MRPL35: variants seen among roughly 807,000 people sequenced by gnomAD.
MRPL35 encodes large ribosomal subunit protein bL35m.
In MRPL35, 18 loss-of-function variants were observed where a neutral mutation model predicts 21.6. That is an observed-to-expected ratio of 0.83 (90% CI 0.58 to 1.24). The LOEUF (loss-of-function observed/expected upper bound fraction) is 1.24, where lower values mean the gene tolerates loss of function less well. Ranked by LOEUF, MRPL35 falls within the 50% of genes most tolerant of loss-of-function variation. MRPL35 has a pLI of 0.00. For missense variants in MRPL35, 223 were observed against 223.2 expected (o/e 1.00, Z 0.01); for synonymous variants, 87 against 86.9 (o/e 1.00, Z -0.01).
At chr2:86,204,264 A>G (rs796453255) in intron 1 of MRPL35, among the ~76,000 whole-genome samples, 3 of 152,194 alleles carry the variant, frequency 2.0e-5, no homozygotes, top group African/African-American at 4.8e-5. Flanking sequence ...GATTACAGGC[A>G]TGAGCCACCA....
At chr2:86,200,230 T>C (rs1452039647) in intron 1 of MRPL35, among the ~76,000 whole-genome samples, 1 of 152,118 alleles carries the variant, frequency 6.6e-6, no homozygotes, top group Non-Finnish European at 1.5e-5. Context: ...ATATACGAGA[T>C]CAGTCAAGAA....
intron 3 of MRPL35, among the ~76,000 whole-genome samples, chr2:86,209,849 A>G (rs1020724737): frequency 1.3e-5 from 2 of 152,152 alleles, no homozygotes; most frequent in Admixed American, 6.5e-5. Flanking sequence ...TCTCTACAAA[A>G]ATTTAAAAAG....
In MRPL35 at chr2:86,213,335, A is replaced by G. The variant is rs1673950259; in HGVS notation, c.*2667A>G. ...TGTTGACATTGGACCAGGCTCAGTA[A>G]ATAAACGAATGGATTTCCAGCCTTT... On this transcript the variant is annotated 3_prime_UTR_variant, in exon 4 of 4. Coordinates refer to ENST00000337109, the MANE Select transcript of MRPL35 (RefSeq NM_016622.4). 1 of 1,226,380 alleles carries G rather than the reference A, an allele frequency of 8.2e-7. No homozygotes were observed. Among genetic ancestry groups the G allele is most frequent in the Admixed American group, 4.1e-5 (1 of 24,354 alleles). The allele number at this position is 1,226,380 out of a possible 1,614,324, so 76.0% of individuals were successfully genotyped here. A position where few individuals can be genotyped will look rare whatever the true frequency, so the allele number is the denominator to read the frequency against.
Position 86,212,645 on chromosome 2 carries a change from G to A in MRPL35, c.*1977G>A, listed in dbSNP as rs567784819. The A allele has an allele frequency of 2.2e-6, 3 of 1,359,838 alleles. No homozygotes were observed. The South Asian group carries it at 5.6e-5, about 25-fold the overall frequency. 84.2% of individuals were successfully genotyped at this position (1,359,838 alleles called of 1,614,324 possible). A position where few individuals can be genotyped will look rare whatever the true frequency, so the allele number is the denominator to read the frequency against. On this transcript the variant is annotated 3_prime_UTR_variant, in exon 4 of 4. Transcript: ENST00000337109. Reference sequence around the variant, plus strand: ...CACCTTCGTTTCTCCTCTAGACCAGGGACAGGTGTAGAGATAAGGACTGGC... The same window carrying A: ...CACCTTCGTTTCTCCTCTAGACCAGAGACAGGTGTAGAGATAAGGACTGGC...
At chr2:86,199,560 CA>C in intron 1 of MRPL35, 27 bp downstream of exon 1, 1 of 1,613,716 alleles carries the variant, frequency 6.2e-7, no homozygotes, top group Non-Finnish European at 8.5e-7. Flanking sequence ...ATACTCCATG[CA>C]TGCCTTCACA....
chr2:86,212,186 G>A lies in MRPL35; in HGVS notation c.*1518G>A. 3.1e-6 allele frequency: 4 copies of A among 1,288,776 alleles called. No homozygotes were observed. The highest frequency in any genetic ancestry group is 2.9e-6 in the Non-Finnish European group (3 of 1,017,858). The allele number at this position is 1,288,776 out of a possible 1,614,324, so 79.8% of individuals were successfully genotyped here. A position where few individuals can be genotyped will look rare whatever the true frequency, so the allele number is the denominator to read the frequency against. On this transcript the variant is annotated 3_prime_UTR_variant, in exon 4 of 4. Coordinates refer to ENST00000337109, the MANE Select transcript of MRPL35 (RefSeq NM_016622.4). ...ATTCCTCTGTTGTTAGTAAAATTAT[G>A]AAATTGAAGTTCTGCAGCATGTCAG...
chr2:86,207,568 A>C (rs1673827823), intron 3 of MRPL35, among the ~76,000 whole-genome samples: 3 of 152,180 alleles, frequency 2.0e-5, no homozygotes, highest in Admixed American at 2.0e-4. Flanking sequence ...CGGGAGGTGG[A>C]GGTTGTAGTG....
At chr2:86,203,944 GT>G (rs1244150239) in intron 1 of MRPL35, among the ~76,000 whole-genome samples, 6 of 151,396 alleles carry the variant, frequency 4.0e-5, no homozygotes, top group African/African-American at 1.5e-4. Context: ...TAGGAGAGTA[GT>G]TCTAAGTCCC....
At chr2:86,210,430 TTGTTTCATACATAGTA>T in intron 3 of MRPL35, 34 bp from the exon 4 acceptor site, 2 of 1,460,746 alleles carry the variant, frequency 1.4e-6, no homozygotes, top group South Asian at 2.7e-5. Flanking sequence ...AAGATACCTG[TTGTTTCATACATAGTA>T]TGATGTTTTA....
At chr2:86,209,069 T>C (rs1226601485) in intron 3 of MRPL35, among the ~76,000 whole-genome samples, 2 of 152,118 alleles carry the variant, frequency 1.3e-5, no homozygotes, top group African/African-American at 4.8e-5. Flanking sequence ...ATTAGGTGTT[T>C]GTACGTCAGA....
At position 86,207,380 on chromosome 2, in the gene MRPL35, G is replaced by A. The variant is rs184252008; in HGVS notation, c.378+53G>A. 1.2e-4 allele frequency: 189 copies of A among 1,576,218 alleles called. 2 individuals carry two copies. In the African/African-American group the frequency reaches 2.3e-3, roughly 19 times the overall value. ...AAAAAGGAATGTGAGGCCGGGCGTG[G>A]TGGCTCACGCCTATAATCCCAGCAC... On this transcript the variant is annotated intron_variant, in intron 3 of 3. Transcript: ENST00000337109.
In MRPL35 at chr2:86,212,540, A is replaced by G; in HGVS notation, c.*1872A>G. 1 of 1,592,936 alleles carries G rather than the reference A, an allele frequency of 6.3e-7. No homozygotes were observed. The highest frequency in any genetic ancestry group is 1.1e-5 in the South Asian group (1 of 87,996). ...AATGGTGCCTGCAGAAGTTGGGGAG[A>G]AGGATACTTTTGCACAGCCTCCATG... On this transcript the variant is annotated 3_prime_UTR_variant, in exon 4 of 4. Coordinates refer to ENST00000337109, the MANE Select transcript of MRPL35 (RefSeq NM_016622.4).
At chr2:86,206,008 A>AAAC (rs1471623820) in intron 1 of MRPL35, 98 bp from the exon 2 acceptor site, 2 of 1,073,456 alleles carry the variant, frequency 1.9e-6, no homozygotes. Flanking sequence ...GGGCACGTTA[A>AAAC]TTATGTTTAA....
At chr2:86,205,361 T>TC (rs140690912) in intron 1 of MRPL35, among the ~76,000 whole-genome samples, 2 of 152,312 alleles carry the variant, frequency 1.3e-5, no homozygotes, top group East Asian at 3.9e-4. Context: ...AAGTGGATCA[T>TC]CATAAAGGTC....
chr2:86,210,773 T>G lies in MRPL35; in HGVS notation c.*105T>G. The G allele has an allele frequency of 7.0e-7, 1 of 1,435,062 alleles. No homozygotes were observed. The highest frequency in any genetic ancestry group is 9.2e-7 in the Non-Finnish European group (1 of 1,088,786). 88.9% of individuals were successfully genotyped at this position (1,435,062 alleles called of 1,614,324 possible). Reference sequence around the variant, plus strand: ...ACTTGATGTAAATTGTACCAATGAATACGTAAACATACAGTGACAACATTA... The same window carrying G: ...ACTTGATGTAAATTGTACCAATGAAGACGTAAACATACAGTGACAACATTA... On this transcript the variant is annotated 3_prime_UTR_variant, in exon 4 of 4. Transcript: ENST00000337109.
Position 86,212,033 on chromosome 2 carries a change from C to T in MRPL35, c.*1365C>T. On this transcript the variant is annotated 3_prime_UTR_variant, in exon 4 of 4. Coordinates refer to ENST00000337109, the MANE Select transcript of MRPL35 (RefSeq NM_016622.4). ...CAGTCTAGGGCAGTGGTTCCCAACT[C>T]TCCGATCAGAATCATCTGGGAAGCA... The T allele has an allele frequency of 9.7e-7, 1 of 1,035,022 alleles. No individual in the cohort carries two copies. Among genetic ancestry groups the T allele is most frequent in the Non-Finnish European group, 1.2e-6 (1 of 861,110 alleles). 64.1% of individuals were successfully genotyped at this position (1,035,022 alleles called of 1,614,324 possible).
Position 86,213,430 on chromosome 2 carries a change from T to C in MRPL35, c.*2762T>C, listed in dbSNP as rs1673953104. ...TTCTTACTGCTGCTTTATTTTACAG[T>C]GATTTTGTCAAACATAGAATACAGG... On this transcript the variant is annotated 3_prime_UTR_variant, in exon 4 of 4. Transcript: ENST00000337109. 1 of 1,288,454 alleles carries C rather than the reference T, an allele frequency of 7.8e-7. No homozygotes were observed. The highest frequency in any genetic ancestry group is 9.8e-7 in the Non-Finnish European group (1 of 1,016,080). 79.8% of individuals were successfully genotyped at this position (1,288,454 alleles called of 1,614,324 possible). A position where few individuals can be genotyped will look rare whatever the true frequency, so the allele number is the denominator to read the frequency against.
Position 86,212,496 on chromosome 2 carries a change from C to T in MRPL35, c.*1828C>T, listed in dbSNP as rs377120146. 4.2e-5 allele frequency: 67 copies of T among 1,610,984 alleles called. No individual in the cohort carries two copies. In the African/African-American group the frequency reaches 7.9e-4, roughly 19 times the overall value. ...GCCTGGCTCCTGCTCTCTGATGTAC[C>T]TCTGGGTAGTGAGATGGAAATGGTG... On this transcript the variant is annotated 3_prime_UTR_variant, in exon 4 of 4. Transcript: ENST00000337109.
chr2:86,199,896 CTAACT>C (rs755665400), intron 1 of MRPL35, among the ~76,000 whole-genome samples: 6 of 152,162 alleles, frequency 3.9e-5, no homozygotes, highest in South Asian at 2.1e-4. Flanking sequence ...TTAATGTCTC[CTAACT>C]TAAGATTCTA....
Sources: allele counts gnomAD v4.1 joint callset (sites outside exome capture counted in the v4.1 genomes callset), GRCh38; gene constraint gnomAD v4.1.1; transcripts MANE v1.5; gene names NCBI Gene and HGNC (gene_info 2026-07-23, HGNC 2026-07-21).